The following PRKCB variants were observed in gnomAD, a reference collection of about 807,000 sequenced individuals.
The protein encoded by PRKCB is protein kinase C beta type.
Under a neutral mutation model 81.5 loss-of-function variants are expected in PRKCB, and 13 were observed. The observed-to-expected ratio is 0.16, with a 90% CI of 0.10 to 0.25. PRKCB has a LOEUF of 0.25. Ranked by LOEUF, PRKCB falls within the 10% of genes least tolerant of loss-of-function variation. The pLI, the probability that PRKCB is intolerant of heterozygous loss-of-function variation, is 1.00. For missense variants in PRKCB, 509 were observed against 875.7 expected (o/e 0.58, Z 5.29); for synonymous variants, 335 against 321.4 (o/e 1.04, Z -0.45).
At chr16:23,873,778 A>C (rs1297035989) in intron 2 of PRKCB, among the ~76,000 whole-genome samples, 2 of 152,214 alleles carry the variant, frequency 1.3e-5, no homozygotes, top group Admixed American at 6.5e-5. Context: ...AGACCTTAAG[A>C]GATGTCAGCT....
intron 2 of PRKCB, among the ~76,000 whole-genome samples, chr16:23,875,169 T>G (rs1434170251): frequency 1.3e-5 from 2 of 151,732 alleles, no homozygotes; most frequent in Non-Finnish European, 1.5e-5. Context: ...CCACAAGTGG[T>G]TGGGACTACA....
At position 24,218,805 on chromosome 16, in the gene PRKCB, A is replaced by G; in HGVS notation, c.*3989A>G. 1 of 985,470 alleles carries G rather than the reference A, an allele frequency of 1.0e-6. No individual in the cohort carries two copies. Among genetic ancestry groups the G allele is most frequent in the Non-Finnish European group, 1.2e-6 (1 of 829,964 alleles). 61.0% of individuals were successfully genotyped at this position (985,470 alleles called of 1,614,324 possible). A position where few individuals can be genotyped will look rare whatever the true frequency, so the allele number is the denominator to read the frequency against. ...GCAGCCCGGGAATGTGCAGGGCACT[A>G]GGGAATACAAGGCCTTCTTCCCTGG... On this transcript the variant is annotated 3_prime_UTR_variant, in exon 17 of 17. Coordinates refer to ENST00000643927, the MANE Select transcript of PRKCB (RefSeq NM_002738.7).
intron 2 of PRKCB, among the ~76,000 whole-genome samples, chr16:23,932,966 A>G (rs893925062): frequency 1.3e-5 from 2 of 152,192 alleles, no homozygotes; most frequent in African/African-American, 2.4e-5. Context: ...ACGAGGATGC[A>G]GTTCTGATTG....
intron 9 of PRKCB, among the ~76,000 whole-genome samples, chr16:24,150,565 G>A (rs1186145586): frequency 6.6e-6 from 1 of 152,186 alleles, no homozygotes; most frequent in Admixed American, 6.5e-5. Context: ...GTTGGAAGAA[G>A]TGAAAGGCAT....
chr16:24,018,092 G>A (rs572818154), intron 3 of PRKCB, among the ~76,000 whole-genome samples: 1 of 151,894 alleles, frequency 6.6e-6, no homozygotes, highest in South Asian at 2.1e-4. Flanking sequence ...GTAGAGACGG[G>A]GTTTCACCAT....
intron 7 of PRKCB, among the ~76,000 whole-genome samples, chr16:24,108,113 TCTA>T (rs1181690416): frequency 6.6e-6 from 1 of 151,798 alleles, no homozygotes; most frequent in Non-Finnish European, 1.5e-5. Flanking sequence ...AGCAACACCA[TCTA>T]CTTGCACGTG....
intron 5 of PRKCB, among the ~76,000 whole-genome samples, chr16:24,056,957 C>T (rs1965909384): frequency 6.6e-6 from 1 of 152,160 alleles, no homozygotes; most frequent in Non-Finnish European, 1.5e-5. Flanking sequence ...TGCACAGGGG[C>T]CAGATCCAGC....
intron 2 of PRKCB, among the ~76,000 whole-genome samples, chr16:23,876,483 A>G (rs73537082): frequency 0.04 from 6,070 of 152,270 alleles, 158 homozygotes; most frequent in South Asian, 0.086. Flanking sequence ...AGGACAAAAC[A>G]AAACACACAC....
At chr16:23,845,888 G>A (rs1962359198) in intron 2 of PRKCB, among the ~76,000 whole-genome samples, 1 of 152,198 alleles carries the variant, frequency 6.6e-6, no homozygotes, top group South Asian at 2.1e-4. Context: ...AATTTCAGAG[G>A]TGGAGGAGCA....
At chr16:24,038,017 C>G (rs1965645332) in intron 5 of PRKCB, among the ~76,000 whole-genome samples, 1 of 151,988 alleles carries the variant, frequency 6.6e-6, no homozygotes, top group Non-Finnish European at 1.5e-5. Context: ...ATCATCTCTA[C>G]TAAAAATACA....
chr16:23,845,155 G>A (rs1464189316), intron 2 of PRKCB, among the ~76,000 whole-genome samples: 2 of 152,168 alleles, frequency 1.3e-5, no homozygotes, highest in Non-Finnish European at 2.9e-5. Context: ...TATTTTAGGT[G>A]ACAGAATACA....
chr16:23,893,966 C>G (rs1963333380), intron 2 of PRKCB: 1 of 152,208 alleles, frequency 6.6e-6, no homozygotes, highest in Non-Finnish European at 1.5e-5. Flanking sequence ...TTAGTGGTGT[C>G]AAACAATGAC....
intron 2 of PRKCB, among the ~76,000 whole-genome samples, chr16:23,981,714 TCCCTTC>T (rs1567333452): frequency 8.8e-5 from 4 of 45,514 alleles, no homozygotes; most frequent in African/African-American, 3.4e-4. Context: ...CCCTTCCCTT[TCCCTTC>T]CCCTTCCCTT....
intron 2 of PRKCB, among the ~76,000 whole-genome samples, chr16:23,886,043 A>G (rs1277936014): frequency 6.6e-6 from 1 of 152,250 alleles, no homozygotes; most frequent in African/African-American, 2.4e-5. Context: ...TCCTCAAACC[A>G]ACTCTTTGAG....
Position 24,219,444 on chromosome 16 carries a change from T to A in PRKCB, c.*4628T>A. 1.0e-6 allele frequency: 1 copy of A among 986,346 alleles called. No homozygotes were observed. The allele number at this position is 986,346 out of a possible 1,614,324, so 61.1% of individuals were successfully genotyped here. The stretch of plus-strand genomic sequence containing the variant: ...GTCAATTCCTTTCATTAAGCAGTGA[T>A]CTGATTTCTCCACATGGCCATTCTG... On this transcript the variant is annotated 3_prime_UTR_variant, in exon 17 of 17. Coordinates refer to ENST00000643927, the MANE Select transcript of PRKCB (RefSeq NM_002738.7).
intron 5 of PRKCB, among the ~76,000 whole-genome samples, chr16:24,035,975 G>A (rs1965612233): frequency 6.6e-6 from 1 of 152,164 alleles, no homozygotes; most frequent in Non-Finnish European, 1.5e-5. Context: ...CAGGAAAAAT[G>A]GAGTCTTGAT....
chr16:23,951,931 T>C (rs1423968812), intron 2 of PRKCB, among the ~76,000 whole-genome samples: 2 of 152,178 alleles, frequency 1.3e-5, no homozygotes, highest in Non-Finnish European at 2.9e-5. Context: ...CTCCTTGATA[T>C]ATCACATTGA....
At chr16:23,840,740 T>C (rs765964105) in intron 2 of PRKCB, among the ~76,000 whole-genome samples, 6 of 152,154 alleles carry the variant, frequency 3.9e-5, no homozygotes, top group Non-Finnish European at 7.3e-5. Context: ...TTGGGGACAC[T>C]GCTATGGGTT....
intron 15 of PRKCB, 88 bp from the exon 16 acceptor site, chr16:24,191,002 T>G: frequency 6.9e-7 from 1 of 1,440,014 alleles, no homozygotes; most frequent in Non-Finnish European, 9.5e-7. Context: ...GCGCTTTCTT[T>G]CCTAATGCAT....
Sources: allele counts gnomAD v4.1 joint callset (sites outside exome capture counted in the v4.1 genomes callset), GRCh38; gene constraint gnomAD v4.1.1; transcripts MANE v1.5; gene names NCBI Gene and HGNC (gene_info 2026-07-23, HGNC 2026-07-21).